The following SRBD1 variants were observed in gnomAD, a reference collection of about 807,000 sequenced individuals.
SRBD1 encodes the protein S1 RNA binding domain 1, also known as S1 RNA-binding domain-containing protein 1.
SRBD1 carries 88 observed loss-of-function variants against 115.3 expected under a neutral mutation model. The ratio of observed to expected loss-of-function variants is 0.76; its 90% CI spans 0.64 to 0.91. The LOEUF (loss-of-function observed/expected upper bound fraction) is 0.91. Ranked by LOEUF, SRBD1 falls within the 40% of genes least tolerant of loss-of-function variation. The probability of loss-of-function intolerance (pLI) is 0.00; values close to 1 mark genes in which losing one functional copy is unlikely to be tolerated. For missense variants in SRBD1, 1,385 were observed against 1,177.4 expected (o/e 1.18, Z -2.58); for synonymous variants, 509 against 407.7 (o/e 1.25, Z -2.99).
rs555111581 is a variant in SRBD1 at position 45,574,353 on chromosome 2, G to T, written c.1169+274C>A. On this transcript the variant is annotated intron_variant, in intron 8 of 20. Transcript: ENST00000263736. ...TTCGTATATATTGTGTAAGGCAATGGTTTTTAAACTCATCAGGCCCCTCCA... is the reference window on the plus strand; with the variant it reads ...TTCGTATATATTGTGTAAGGCAATGTTTTTTAAACTCATCAGGCCCCTCCA... Among the ~76,000 whole-genome samples the T allele has an allele frequency of 2.0e-5, 3 of 152,328 alleles. No individual in the cohort carries two copies. The South Asian group carries it at 6.2e-4, about 32-fold the overall frequency.
chr2:45,598,239 C>T (rs1673966572), intron 4 of SRBD1, among the ~76,000 whole-genome samples: 1 of 152,148 alleles, frequency 6.6e-6, no homozygotes, highest in South Asian at 2.1e-4. Context: ...ACTATTCATT[C>T]AGGAACAAGG....
chr2:45,495,833 T>A (rs1670441923), intron 14 of SRBD1, among the ~76,000 whole-genome samples: 1 of 152,182 alleles, frequency 6.6e-6, no homozygotes, highest in South Asian at 2.1e-4. Context: ...GGGCAGGGAA[T>A]AAACACTATT....
intron 19 of SRBD1, among the ~76,000 whole-genome samples, chr2:45,409,564 T>C (rs1667536881): frequency 6.7e-6 from 1 of 148,926 alleles, no homozygotes. Flanking sequence ...AGCATGAAGA[T>C]TAAAATGGAG....
chr2:45,431,776 T>C (rs1279422111), intron 16 of SRBD1, among the ~76,000 whole-genome samples: 3 of 151,542 alleles, frequency 2.0e-5, no homozygotes, highest in Non-Finnish European at 2.9e-5. Context: ...TAAAGTATAA[T>C]AGAAAAAAAA....
At chr2:45,460,178 C>G (rs1452638985) in intron 16 of SRBD1, among the ~76,000 whole-genome samples, 1 of 152,206 alleles carries the variant, frequency 6.6e-6, no homozygotes. Flanking sequence ...ATCTAGCTGA[C>G]TGGGCTGGAT....
At position 45,398,568 on chromosome 2, in the gene SRBD1, A is replaced by G. The variant is rs940172597; in HGVS notation, c.2514-5439T>C. On this transcript the variant is annotated intron_variant, in intron 19 of 20. Transcript: ENST00000263736. ...ACTCATTGCATGTTGCATTCATTGT[A>G]TGTAGGAGAATATATCCTTAGAAAG... 2.6e-5 allele frequency among the ~76,000 whole-genome samples: 4 copies of G among 152,190 alleles called. No individual in the cohort carries two copies. The East Asian group carries it at 7.7e-4, about 29-fold the overall frequency.
At chr2:45,555,043 A>T (rs1672429190) in intron 10 of SRBD1, among the ~76,000 whole-genome samples, 1 of 150,606 alleles carries the variant, frequency 6.6e-6, no homozygotes, top group South Asian at 2.1e-4. Flanking sequence ...TACCCCAACC[A>T]ATCAAAGACC....
chr2:45,511,810 G>A (rs1670980730), intron 14 of SRBD1, among the ~76,000 whole-genome samples: 1 of 152,158 alleles, frequency 6.6e-6, no homozygotes, highest in South Asian at 2.1e-4. Context: ...TGGCATTGTG[G>A]CTAAGCAGTG....
chr2:45,517,176 G>T (rs376864300), intron 14 of SRBD1, among the ~76,000 whole-genome samples: 3 of 152,114 alleles, frequency 2.0e-5, no homozygotes, highest in South Asian at 2.1e-4. Flanking sequence ...CATTTAAACA[G>T]TTTAAAATTC....
Position 45,409,515 on chromosome 2 carries a change from CAAAAA to C in SRBD1, c.2513+3594_2513+3598del, listed in dbSNP as rs59849294. On this transcript the variant is annotated intron_variant, in intron 19 of 20. Transcript: ENST00000263736. Reference sequence around the variant, plus strand: ...TGAAGGTCCCGGCCATTGCAATAGGCAAAAAAAAAAAAAAAGAATAAAGAAAAGAA... The same window carrying C: ...TGAAGGTCCCGGCCATTGCAATAGGCAAAAAAAAAAGAATAAAGAAAAGAA... Among the ~76,000 whole-genome samples, 12 of 117,918 alleles carry C rather than the reference CAAAAA, an allele frequency of 1.0e-4. No homozygotes were observed. In the East Asian group the frequency reaches 3.2e-3, roughly 32 times the overall value. The allele number at this position is 117,918 out of a possible 152,430, so 77.4% of individuals were successfully genotyped here.
rs569345049 is a variant in SRBD1, at chr2:45,399,340, C to G, written c.2514-6211G>C. 2.0e-5 allele frequency among the ~76,000 whole-genome samples: 3 copies of G among 152,268 alleles called. No individual in the cohort carries two copies. The East Asian group carries it at 5.8e-4, about 29-fold the overall frequency. On this transcript the variant is annotated intron_variant, in intron 19 of 20. Transcript: ENST00000263736. ...AGAGCCTTTGCCTTGAATGAGCTTA[C>G]AATCTAATTTTAAGTAATGACAGTA...
intron 14 of SRBD1, among the ~76,000 whole-genome samples, chr2:45,503,176 C>T (rs926806827): frequency 7.2e-5 from 11 of 152,024 alleles, no homozygotes; most frequent in African/African-American, 2.4e-4. Context: ...CAAAGCCTAT[C>T]ATAACTGGCA....
rs189278104 is a variant in SRBD1, at chr2:45,500,645, C to T, written c.1875-12314G>A. Among the ~76,000 whole-genome samples, 238 of 152,102 alleles carry T rather than the reference C, an allele frequency of 1.6e-3. 2 individuals are homozygous for T. Among genetic ancestry groups the T allele is most frequent in the African/African-American group, 5.3e-3 (218 of 41,520 alleles). On this transcript the variant is annotated intron_variant, in intron 14 of 20. Transcript: ENST00000263736. The stretch of plus-strand genomic sequence containing the variant: ...TGCCCAGGCTGGTCTTGAACTCATG[C>T]GCTCAAGCAATCCGCCCGTTTCGGC...
Position 45,477,123 on chromosome 2 carries a change from G to A in SRBD1, c.1967-48C>T, listed in dbSNP as rs746415280. On this transcript the variant is annotated intron_variant, in intron 15 of 20. Coordinates refer to ENST00000263736, the MANE Select transcript of SRBD1 (RefSeq NM_018079.5). ...CAAGTATGACTTAATGTGAAAAGCA[G>A]TACCTAATAATTACTTACATTAGTT... The A allele has an allele frequency of 2.7e-6, 4 of 1,470,434 alleles. No individual in the cohort carries two copies. In the African/African-American group the frequency reaches 4.2e-5, roughly 15 times the overall value. 91.1% of individuals were successfully genotyped at this position (1,470,434 alleles called of 1,614,324 possible).
intron 9 of SRBD1, among the ~76,000 whole-genome samples, chr2:45,563,284 A>G (rs1240505467): frequency 1.3e-5 from 2 of 152,116 alleles, no homozygotes; most frequent in Non-Finnish European, 2.9e-5. Context: ...AATTTTTCTG[A>G]AACTAACTTG....
intron 16 of SRBD1, among the ~76,000 whole-genome samples, chr2:45,434,052 A>C (rs1486208234): frequency 6.6e-6 from 1 of 152,194 alleles, no homozygotes; most frequent in Non-Finnish European, 1.5e-5. Context: ...TTCTCTTTGC[A>C]AATCCTCCTC....
chr2:45,586,194 T>C (rs1317205392), intron 4 of SRBD1, among the ~76,000 whole-genome samples: 1 of 152,170 alleles, frequency 6.6e-6, no homozygotes, highest in Non-Finnish European at 1.5e-5. Flanking sequence ...TAAACAAACT[T>C]TGGCCCAGCA....
rs1432763788 is a variant in SRBD1, at chr2:45,446,953, A to G, written c.2050-27059T>C. Among the ~76,000 whole-genome samples, 3 of 152,282 alleles carry G rather than the reference A, an allele frequency of 2.0e-5. No individual in the cohort carries two copies. In the East Asian group the frequency reaches 5.8e-4, roughly 29 times the overall value. On this transcript the variant is annotated intron_variant, in intron 16 of 20. Coordinates refer to ENST00000263736, the MANE Select transcript of SRBD1 (RefSeq NM_018079.5). ...TTTTCAACATGCATGAACTTAGAAC[A>G]TTTACTTCCTATACACCTCCAAACA...
chr2:45,507,732 A>C (rs1276992926), intron 14 of SRBD1, among the ~76,000 whole-genome samples: 3 of 151,990 alleles, frequency 2.0e-5, no homozygotes, highest in African/African-American at 7.2e-5. Flanking sequence ...AAAAAAACAA[A>C]AAACAAAAAC....
Sources: gnomAD v4.1 joint callset for allele counts (sites outside exome capture counted in the v4.1 genomes callset) on GRCh38, gnomAD v4.1.1 for gene constraint, MANE v1.5 for transcripts, NCBI Gene and HGNC (gene_info 2026-07-23, HGNC 2026-07-21) for gene names.